SLC6A19: variants seen among roughly 807,000 people sequenced by gnomAD.
SLC6A19 encodes the protein sodium-dependent neutral amino acid transporter B(0)AT1.
A neutral mutation model predicts 68.3 loss-of-function variants in SLC6A19; 67 were observed. The observed-to-expected ratio is 0.98, with a 90% CI of 0.81 to 1.20. The LOEUF (loss-of-function observed/expected upper bound fraction) is 1.20, where lower values mean the gene tolerates loss of function less well. Among genes scored for constraint, SLC6A19 ranks in the 50% most tolerant of loss-of-function variants. The pLI is 0.00. For missense variants in SLC6A19, 813 were observed against 851.6 expected (o/e 0.95, Z 0.56); for synonymous variants, 392 against 374.9 (o/e 1.05, Z -0.53).
chr5:1,214,170 G>A lies in SLC6A19; in HGVS notation c.887+105G>A. 6.4e-7 allele frequency: 1 copy of A among 1,565,992 alleles called. No individual in the cohort carries two copies. The highest frequency in any genetic ancestry group is 2.4e-5 in the East Asian group (1 of 42,466). On this transcript the variant is annotated intron_variant, in intron 6 of 11. Transcript: ENST00000304460. This position sits in a 1 kb window ranked among gnomAD's most constrained non-coding sequence, Gnocchi z 7.4. ...AAGCACTCTGTGGCTGTGTGGCCGG[G>A]GCCTTGCTGCCCCGATGGGCCCGTT...
rs1378254136 is a variant in SLC6A19 at position 1,212,831 on chromosome 5, G to C, written c.663+347G>C. Among the ~76,000 whole-genome samples the C allele has an allele frequency of 6.6e-6, 1 of 152,076 alleles. No individual in the cohort carries two copies. Among genetic ancestry groups the C allele is most frequent in the Non-Finnish European group, 1.5e-5 (1 of 67,982 alleles). On this transcript the variant is annotated intron_variant, in intron 4 of 11. Transcript: ENST00000304460. This position sits in a 1 kb window ranked among gnomAD's most constrained non-coding sequence, Gnocchi z 5.1. ...ATGATAAAACAGGAAAGTGGAAATG[G>C]AAGAGTAAGGCTTGATCTTCCCCTA... is the stretch of plus-strand genomic sequence containing the variant.
rs745709690 is a variant in SLC6A19, at chr5:1,219,593, C to T, written c.1467C>T (p.Ala489=). Reference sequence around the variant, plus strand: ...GGCTCTCCCTGCTGGACAGCTATGCCGGCTCCATTCCCCTGCTCATCATCG... The same window carrying T: ...GGCTCTCCCTGCTGGACAGCTATGCTGGCTCCATTCCCCTGCTCATCATCG... ...QYWLSLLDSY[A]GSIPLLIIAF... Residue 489 remains alanine (A), a synonymous_variant, in exon 10 of 12, where the codon GCC becomes GCT. Transcript: ENST00000304460. 25 of 1,611,404 alleles carry T rather than the reference C, an allele frequency of 1.6e-5. No individual in the cohort carries two copies. The highest frequency in any genetic ancestry group is 8.9e-5 in the East Asian group (4 of 44,902).
chr5:1,204,574 C>A (rs968364078), intron 1 of SLC6A19, among the ~76,000 whole-genome samples: 24 of 152,230 alleles, frequency 1.6e-4, no homozygotes. Flanking sequence ...GAGACGCATT[C>A]ATGCCCACCT....
chr5:1,221,341 G>C, intron 11 of SLC6A19, 28 bp downstream of exon 11: 1 of 1,610,508 alleles, frequency 6.2e-7, no homozygotes, highest in Non-Finnish European at 8.5e-7. Flanking sequence ...CGCCTGGGGT[G>C]GGGAGAGGAA....
intron 1 of SLC6A19, among the ~76,000 whole-genome samples, chr5:1,202,826 G>A (rs1465209354): frequency 6.6e-6 from 1 of 152,238 alleles, no homozygotes; most frequent in East Asian, 1.9e-4. Context: ...ACAGAAATGG[G>A]CTTTTCCTGA....
intron 10 of SLC6A19, among the ~76,000 whole-genome samples, chr5:1,220,007 G>A (rs1205165340): frequency 6.6e-6 from 1 of 152,134 alleles, no homozygotes; most frequent in Non-Finnish European, 1.5e-5. Flanking sequence ...GGGGGGTGGG[G>A]AGTGCCTTAT....
intron 8 of SLC6A19, 77 bp downstream of exon 8, chr5:1,217,022 C>A: frequency 6.2e-7 from 1 of 1,604,040 alleles, no homozygotes. Context: ...CCCCTGGGCC[C>A]CTGGCCTGTG....
chr5:1,203,413 C>CA (rs1235050222), intron 1 of SLC6A19, among the ~76,000 whole-genome samples: 1 of 152,004 alleles, frequency 6.6e-6, no homozygotes, highest in Non-Finnish European at 1.5e-5. Context: ...CAGGTGCGGG[C>CA]AGCGGGCAGC....
chr5:1,220,801 G>A (rs1376074794), intron 10 of SLC6A19, among the ~76,000 whole-genome samples: 1 of 152,226 alleles, frequency 6.6e-6, no homozygotes, highest in East Asian at 1.9e-4. Flanking sequence ...ACTTCAGGGT[G>A]CTGCTAAGGA....
chr5:1,212,309 T>C lies in SLC6A19; in HGVS notation c.488T>C (p.Val163Ala), dbSNP rs1166769037. The C allele has an allele frequency of 6.2e-7, 1 of 1,613,316 alleles. No homozygotes were observed. The highest frequency in any genetic ancestry group is 1.3e-5 in the African/African-American group (1 of 74,876). ...TGAATGGCCCTCTCCCCAGGGTATG[T>C]GGACGAGTGCGCCAGGAGCTCCCCT... ...CPLNENQTGY[V>A]DECARSSPVD... Residue 163 changes from valine (V) to alanine (A), a missense_variant, in exon 4 of 12, where the codon GTG (valine) becomes GCG (alanine). By Grantham distance (64) the Val-to-Ala change is moderately conservative. Transcript: ENST00000304460. This position sits in a 1 kb window ranked among gnomAD's most constrained non-coding sequence, Gnocchi z 5.1.
rs1429190030 is a variant in SLC6A19, at chr5:1,213,978, C to A, written c.800C>A (p.Thr267Asn). 1 of 1,613,388 alleles carries A rather than the reference C, an allele frequency of 6.2e-7. No individual in the cohort carries two copies. Among genetic ancestry groups the A allele is most frequent in the Non-Finnish European group, 8.5e-7 (1 of 1,180,002 alleles). The part of the protein sequence containing the change: ...PNVTELAQPD[T>N]WLDAGAQVFF... ...GTCACGGAGCTGGCCCAGCCGGACACCTGGCTGGACGCGGGCGCACAGGTC... is the reference window on the plus strand; with the variant it reads ...GTCACGGAGCTGGCCCAGCCGGACAACTGGCTGGACGCGGGCGCACAGGTC... The change falls in exon 6 of 12, where the codon ACC becomes AAC. Residue 267 changes from threonine (T) to asparagine (N), a missense_variant. Coordinates refer to ENST00000304460, the MANE Select transcript of SLC6A19 (RefSeq NM_001003841.3).
In SLC6A19 at chr5:1,214,810, G is replaced by A. The variant is rs1037798686; in HGVS notation, c.887+745G>A. ...GACACAGGGGACCCTCAGTGCAAGGGGGCAGGGCCTGGGTAGGGAGGGTGG... is the reference window on the plus strand; with the variant it reads ...GACACAGGGGACCCTCAGTGCAAGGAGGCAGGGCCTGGGTAGGGAGGGTGG... On this transcript the variant is annotated intron_variant, in intron 6 of 11. Coordinates refer to ENST00000304460, the MANE Select transcript of SLC6A19 (RefSeq NM_001003841.3). The surrounding 1 kb of genome is among the most constrained non-coding windows in gnomAD (Gnocchi z 7.4). 6.6e-6 allele frequency among the ~76,000 whole-genome samples: 1 copy of A among 151,066 alleles called. No individual in the cohort carries two copies. The highest frequency in any genetic ancestry group is 1.5e-5 in the Non-Finnish European group (1 of 67,636).
In SLC6A19 at chr5:1,215,199, G is replaced by A. The variant is rs546650782; in HGVS notation, c.887+1134G>A. Among the ~76,000 whole-genome samples, 64 of 152,220 alleles carry A rather than the reference G, an allele frequency of 4.2e-4. No homozygotes were observed. The highest frequency in any genetic ancestry group is 5.8e-4 in the African/African-American group (24 of 41,532). On this transcript the variant is annotated intron_variant, in intron 6 of 11. Coordinates refer to ENST00000304460, the MANE Select transcript of SLC6A19 (RefSeq NM_001003841.3). The surrounding 1 kb of genome is among the most constrained non-coding windows in gnomAD (Gnocchi z 5.1). The stretch of plus-strand genomic sequence containing the variant: ...CAGGATTGAGGACTCTGACTTTTTC[G>A]TGGAGTGGCTGAGGTGGAACTGAGG...
intron 10 of SLC6A19, 35 bp downstream of exon 10, chr5:1,219,699 C>A (rs1746315730): frequency 1.2e-6 from 2 of 1,600,088 alleles, no homozygotes; most frequent in African/African-American, 1.3e-5. Flanking sequence ...GCCTCTAATG[C>A]AGAAAAGCCA....
At chr5:1,203,050 C>T (rs745390974) in intron 1 of SLC6A19, among the ~76,000 whole-genome samples, 1 of 152,078 alleles carries the variant, frequency 6.6e-6, no homozygotes, top group Non-Finnish European at 1.5e-5. Context: ...CCCCCAGGGC[C>T]CTATCCTGTG....
chr5:1,221,848 CA>C lies in SLC6A19; in HGVS notation c.1850del (p.Gln617ArgfsTer4). 6.2e-7 allele frequency: 1 copy of C among 1,614,198 alleles called. No individual in the cohort carries two copies. The highest frequency in any genetic ancestry group is 8.5e-7 in the Non-Finnish European group (1 of 1,180,036). On this transcript the variant is annotated frameshift_variant, in exon 12 of 12. Coordinates refer to ENST00000304460, the MANE Select transcript of SLC6A19 (RefSeq NM_001003841.3). LOFTEE classifies it high-confidence loss of function. ...RNHCQKPGDH[Q>X]GLVSTLSTAS... ...CCACTGCCAGAAGCCAGGGGACCAT[CA>C]GGGGCTGGTGAGCACACTGTCCACA...
intron 5 of SLC6A19, 139 bp from the exon 6 acceptor site, chr5:1,213,814 G>A: frequency 2.2e-6 from 3 of 1,394,998 alleles, no homozygotes; most frequent in Non-Finnish European, 3.0e-6. Flanking sequence ...GGAAGGCATA[G>A]CTGCCACCCC....
Position 1,212,161 on chromosome 5 carries a change from C to A in SLC6A19, c.482-142C>A. 1.1e-6 allele frequency: 1 copy of A among 949,028 alleles called. No homozygotes were observed. The highest frequency in any genetic ancestry group is 1.7e-6 in the Non-Finnish European group (1 of 605,564). The allele number at this position is 949,028 out of a possible 1,614,324, so 58.8% of individuals were successfully genotyped here. On this transcript the variant is annotated intron_variant, in intron 3 of 11. Transcript: ENST00000304460. This position sits in a 1 kb window ranked among gnomAD's most constrained non-coding sequence, Gnocchi z 5.1. The stretch of plus-strand genomic sequence containing the variant: ...ATGTGCGTGCACGTGAGCATGTGTG[C>A]CTGTGTTCATGTGCACGTGTGGGCG...
At chr5:1,207,050 C>G (rs1745873608) in intron 1 of SLC6A19, among the ~76,000 whole-genome samples, 1 of 152,230 alleles carries the variant, frequency 6.6e-6, no homozygotes, top group Non-Finnish European at 1.5e-5. Flanking sequence ...CTTCCGCGTC[C>G]CCATAGCAGG....
Sources: allele counts gnomAD v4.1 joint callset (sites outside exome capture counted in the v4.1 genomes callset), GRCh38; gene constraint gnomAD v4.1.1; non-coding constraint Gnocchi (gnomAD v3.1); transcripts MANE v1.5; gene names NCBI Gene and HGNC (gene_info 2026-07-23, HGNC 2026-07-21).